The following POLN variants were observed in gnomAD, a reference collection of about 807,000 sequenced individuals.
POLN encodes the protein DNA polymerase N.
Under a neutral mutation model 113.5 loss-of-function variants are expected in POLN, and 108 were observed. The ratio of observed to expected loss-of-function variants is 0.95; its 90% CI spans 0.81 to 1.12. The LOEUF is 1.12. Ranked by LOEUF, POLN falls within the 50% of genes most tolerant of loss-of-function variation. The pLI, the probability that POLN is intolerant of heterozygous loss-of-function variation, is 0.00. For missense variants in POLN, 1,097 were observed against 1,077.1 expected, an observed-to-expected ratio of 1.02 and a Z score of -0.26; for synonymous variants, 386 against 391.5, an observed-to-expected ratio of 0.99 and a Z score of 0.17.
At position 2,208,184 on chromosome 4, in the gene POLN, C is replaced by T. The variant is rs1733901469; in HGVS notation, c.517G>A (p.Ala173Thr). The change falls in exon 5 of 26, where the codon GCA becomes ACA. Residue 173 changes from alanine to threonine, a missense_variant. Transcript: ENST00000511885. ...NLSEKTSKQM[A>T]LEEDTDDAEG... ...GCGTCATCAGTATCTTCTTCCAATG[C>T]CATTTGTTTACTTGTTTTCTCTGAC... 1 of 1,611,796 alleles carries T rather than the reference C, an allele frequency of 6.2e-7. No homozygotes were observed. The highest frequency in any genetic ancestry group is 1.3e-5 in the African/African-American group (1 of 74,848).
intron 2 of POLN, among the ~76,000 whole-genome samples, chr4:2,237,039 T>A (rs1160115921): frequency 6.6e-6 from 1 of 152,026 alleles, no homozygotes; most frequent in African/African-American, 2.4e-5. Flanking sequence ...TTCCCCACCA[T>A]CCAAGTTTTA....
At chr4:2,234,705 G>A (rs1376339771) in intron 2 of POLN, among the ~76,000 whole-genome samples, 1 of 152,086 alleles carries the variant, frequency 6.6e-6, no homozygotes, top group Non-Finnish European at 1.5e-5. Flanking sequence ...ATTAATATTA[G>A]ACAAAACAAT....
Position 2,221,415 on chromosome 4 carries a change from A to G in POLN, c.133+7684T>C, listed in dbSNP as rs76211879. Reference sequence around the variant, plus strand: ...TTAGGGCAAACCTGCCTCCCATTCTATTCAAAGTCAAATTCTATGCCTCTG... The same window carrying G: ...TTAGGGCAAACCTGCCTCCCATTCTGTTCAAAGTCAAATTCTATGCCTCTG... On this transcript the variant is annotated intron_variant, in intron 3 of 25. Transcript: ENST00000511885. Among the ~76,000 whole-genome samples, 344 of 152,340 alleles carry G rather than the reference A, an allele frequency of 2.3e-3. 1 individual carries two copies. The highest frequency in any genetic ancestry group is 7.8e-3 in the African/African-American group (325 of 41,580).
rs754016138 is a variant in POLN at position 2,176,247 on chromosome 4, T to G, written c.1248+19A>C. On this transcript the variant is annotated intron_variant, in intron 9 of 25. Coordinates refer to ENST00000511885, the MANE Select transcript of POLN (RefSeq NM_181808.4). ...CTTGTGAGCCTCTGTCAGCCAGAAATTATAATAAAATGCCTTGCCTTCAGT... is the reference window on the plus strand; with the variant it reads ...CTTGTGAGCCTCTGTCAGCCAGAAAGTATAATAAAATGCCTTGCCTTCAGT... 1.3e-6 allele frequency: 2 copies of G among 1,591,082 alleles called. No homozygotes were observed. The highest frequency in any genetic ancestry group is 1.7e-6 in the Non-Finnish European group (2 of 1,162,280).
At chr4:2,212,515 C>T (rs1281211132) in intron 4 of POLN, among the ~76,000 whole-genome samples, 2 of 152,050 alleles carry the variant, frequency 1.3e-5, no homozygotes, top group East Asian at 1.9e-4. Flanking sequence ...GCTGGGACTA[C>T]AGGAGCATGC....
rs745785121 is a variant in POLN, at chr4:2,128,150, C to T, written c.1945G>A (p.Glu649Lys). 2 of 1,610,590 alleles carry T rather than the reference C, an allele frequency of 1.2e-6. No individual in the cohort carries two copies. The highest frequency in any genetic ancestry group is 1.3e-5 in the African/African-American group (1 of 75,008). Reference protein sequence around the residue: ...PELLKLFQESERDDVFSTLTS... With the variant: ...PELLKLFQESKRDDVFSTLTS... ...AGAGTAGAAAATACATCATCTCTTT[C>T]AGATTCCTGGAATAACTTCAGAAGT... Residue 649 changes from glutamate (E) to lysine (K), a missense_variant, in exon 19 of 26, where the codon GAA (glutamate) becomes AAA (lysine). Physicochemically the swap from Glu to Lys is moderately conservative, Grantham distance 56. Transcript: ENST00000511885.
chr4:2,235,581 G>A (rs974690674), intron 2 of POLN, among the ~76,000 whole-genome samples: 1 of 152,122 alleles, frequency 6.6e-6, no homozygotes, highest in South Asian at 2.1e-4. Flanking sequence ...ATAGCTTTAC[G>A]TGTATCAACA....
intron 23 of POLN, chr4:2,078,600 C>T (rs1560966486): frequency 2.0e-6 from 2 of 985,256 alleles, no homozygotes; most frequent in Non-Finnish European, 2.4e-6. Flanking sequence ...GCTGCTTCAG[C>T]GAGAGATGCC....
chr4:2,124,442 A>G (rs970110188), intron 19 of POLN, among the ~76,000 whole-genome samples: 3 of 151,726 alleles, frequency 2.0e-5, no homozygotes, highest in Non-Finnish European at 2.9e-5. Context: ...CGGCTAATTT[A>G]AAAAAAAATT....
chr4:2,224,130 T>A (rs2108771241), intron 3 of POLN, among the ~76,000 whole-genome samples: 1 of 152,326 alleles, frequency 6.6e-6, no homozygotes, highest in Non-Finnish European at 1.5e-5. Flanking sequence ...TTCCATAACC[T>A]TTTCTCTATT....
At chr4:2,180,551 G>T (rs1733112809) in intron 7 of POLN, among the ~76,000 whole-genome samples, 1 of 152,098 alleles carries the variant, frequency 6.6e-6, no homozygotes, top group Non-Finnish European at 1.5e-5. Flanking sequence ...ATCTAGGAAG[G>T]CTCTTACAGT....
At chr4:2,078,797 C>T (rs1730336753) in intron 23 of POLN, 2 of 985,330 alleles carry the variant, frequency 2.0e-6, no homozygotes, top group South Asian at 4.7e-5. Context: ...AGAAGGATGA[C>T]CAGCGAGTAA....
chr4:2,152,927 T>C (rs1732329649), intron 16 of POLN, among the ~76,000 whole-genome samples: 1 of 152,190 alleles, frequency 6.6e-6, no homozygotes, highest in Admixed American at 6.5e-5. Context: ...CTATTAAAAG[T>C]AAAAATGTAA....
Position 2,209,478 on chromosome 4 carries a change from C to CGG in POLN, c.214-992_214-991insCC, listed in dbSNP as rs1381564209. On this transcript the variant is annotated intron_variant, in intron 4 of 25. Coordinates refer to ENST00000511885, the MANE Select transcript of POLN (RefSeq NM_181808.4). ...TGGGCGACAGAGCAAGACTCCGTCT[C>CGG]AGAAAAAAAAAAAAAAAAAAAAATT... 2.6e-3 allele frequency among the ~76,000 whole-genome samples: 287 copies of CGG among 111,076 alleles called. 1 individual carries two copies. The highest frequency in any genetic ancestry group is 0.011 in the African/African-American group (270 of 25,548). 72.9% of individuals were successfully genotyped at this position (111,076 alleles called of 152,430 possible).
chr4:2,241,494 C>G, intron 2 of POLN, 26 bp downstream of exon 2: 1 of 985,846 alleles, frequency 1.0e-6, no homozygotes, highest in Non-Finnish European at 1.2e-6. Flanking sequence ...CATGGCACAT[C>G]TTCTGAAGAT....
chr4:2,124,960 T>C (rs1288269411), intron 19 of POLN, among the ~76,000 whole-genome samples: 1 of 152,162 alleles, frequency 6.6e-6, no homozygotes, highest in Non-Finnish European at 1.5e-5. Context: ...AGGGAGTAAG[T>C]ATAGATTTCT....
chr4:2,135,336 G>A (rs1433091932), intron 16 of POLN, among the ~76,000 whole-genome samples: 3 of 152,164 alleles, frequency 2.0e-5, no homozygotes, highest in Admixed American at 1.3e-4. Context: ...CCTTCAGCAA[G>A]GCCTCTCTGG....
chr4:2,171,065 A>G, intron 12 of POLN, 33 bp downstream of exon 12: 3 of 1,538,728 alleles, frequency 1.9e-6, no homozygotes, highest in Non-Finnish European at 2.7e-6. Context: ...AATAAGAAAT[A>G]CATTTTATGA....
intron 15 of POLN, 68 bp from the exon 16 acceptor site, chr4:2,156,921 C>G (rs1362164704): frequency 7.6e-7 from 1 of 1,315,612 alleles, no homozygotes; most frequent in African/African-American, 1.5e-5. Flanking sequence ...TGTGGCGGAG[C>G]CTCCACTCAC....
Sources: allele counts gnomAD v4.1 joint callset (sites outside exome capture counted in the v4.1 genomes callset), GRCh38; gene constraint gnomAD v4.1.1; transcripts MANE v1.5; gene names NCBI Gene and HGNC (gene_info 2026-07-23, HGNC 2026-07-21).